The following OOEP variants were observed in gnomAD, a reference collection of about 807,000 sequenced individuals.
OOEP encodes oocyte expressed protein, also known as oocyte-expressed protein homolog.
In OOEP, 16 loss-of-function variants were observed where a neutral mutation model predicts 13.7. The observed-to-expected ratio is 1.16, with a 90% CI of 0.79 to 1.77. OOEP has a LOEUF of 1.77. Among genes scored for constraint, OOEP ranks in the 40% most tolerant of loss-of-function variants. The probability of loss-of-function intolerance (pLI) is 0.00; values close to 1 mark genes in which losing one functional copy is unlikely to be tolerated. For missense variants in OOEP, 195 were observed against 193.1 expected (o/e 1.01, Z -0.06); for synonymous variants, 89 against 77.1 (o/e 1.15, Z -0.81).
chr6:73,372,753 TC>T (rs1234647892), upstream of OOEP, among the ~76,000 whole-genome samples: 1 of 152,044 alleles, frequency 6.6e-6, no homozygotes, highest in Non-Finnish European at 1.5e-5. Flanking sequence ...AGAACACTTT[TC>T]CCGCCATCTG....
chr6:73,373,197 T>C (rs1436834860), upstream of OOEP: 14 of 1,612,590 alleles, frequency 8.7e-6, no homozygotes, highest in Non-Finnish European at 1.1e-5. Context: ...CACTGGGGAA[T>C]GGGACGATTT....
At chr6:73,384,938 T>C (rs1424161915) in intron 2 of OOEP, among the ~76,000 whole-genome samples, 1 of 151,680 alleles carries the variant, frequency 6.6e-6, no homozygotes, top group African/African-American at 2.4e-5. Context: ...GGTTTTATCA[T>C]GTTGCCCAGT....
chr6:73,369,779 G>A lies in OOEP; in HGVS notation c.14C>T (p.Ala5Val), dbSNP rs1283104629. The A allele has an allele frequency of 1.2e-6, 2 of 1,613,362 alleles. No homozygotes were observed. The highest frequency in any genetic ancestry group is 8.5e-7 in the Non-Finnish European group (1 of 1,179,624). Residue 5 changes from alanine (A) to valine (V), a missense_variant, in exon 1 of 3, where the codon GCT becomes GTT. By Grantham distance (64) the Ala-to-Val change is moderately conservative. Transcript: ENST00000370359. ...GCCCCGCTGGGACTCAGCGGCACCA[G>A]CATCATCGACCATACTGGGACCAGC... MVDDAGAAESQRGKQ... is the reference protein window; with the variant it reads MVDDVGAAESQRGKQ...
At chr6:73,394,941 G>C (rs373466847) in exon 1 of OOEP, 16 of 1,614,120 alleles carry the variant, frequency 9.9e-6, no homozygotes, top group Admixed American at 3.3e-5. Flanking sequence ...AGGCCTCTAC[G>C]TGGGTCGTTG....
upstream of OOEP, among the ~76,000 whole-genome samples, chr6:73,371,304 A>T (rs1289286541): frequency 6.6e-6 from 1 of 152,102 alleles, no homozygotes; most frequent in African/African-American, 2.4e-5. Flanking sequence ...TGCAATAAAC[A>T]TTTAAAACCT....
At chr6:73,393,426 A>C (rs773518985) in intron 2 of OOEP, among the ~76,000 whole-genome samples, 5 of 152,214 alleles carry the variant, frequency 3.3e-5, no homozygotes, top group African/African-American at 1.2e-4. Context: ...CAAAGATCCT[A>C]ATCAAAGGAG....
rs1769433738 is a variant in OOEP at position 73,394,983 on chromosome 6, G to A, written c.-383C>T. On this transcript the variant is annotated 5_prime_UTR_variant, in exon 1 of 4. Transcript: ENST00000370363. ...GGCGAAGCTCGACAGTGTCCCGAGC[G>A]CCAGAGAGGAGGCCGGCGGAGGAGT... The A allele has an allele frequency of 2.5e-6, 4 of 1,614,242 alleles. No individual in the cohort carries two copies. The African/African-American group carries it at 4.0e-5, about 16-fold the overall frequency.
rs558198 is a variant in OOEP, at chr6:73,394,834, C to A, written c.-234G>T. 35 of 1,567,910 alleles carry A rather than the reference C, an allele frequency of 2.2e-5. No individual in the cohort carries two copies. The African/African-American group carries it at 3.9e-4, about 18-fold the overall frequency. ...GCTGCGTGGCTTCCCTGGCACGCTACTCTTACGACGTCACGGTCAGGTGGT... is the reference window on the plus strand; with the variant it reads ...GCTGCGTGGCTTCCCTGGCACGCTAATCTTACGACGTCACGGTCAGGTGGT... On this transcript the variant is annotated 5_prime_UTR_variant, in exon 1 of 4. Coordinates refer to the OOEP transcript ENST00000370363.
intron 2 of OOEP, among the ~76,000 whole-genome samples, chr6:73,382,152 AT>A (rs1769218143): frequency 6.7e-6 from 1 of 149,062 alleles, no homozygotes; most frequent in African/African-American, 2.5e-5. Context: ...GGCTCAAGTG[AT>A]CCCCCCGCCT....
intron 2 of OOEP, among the ~76,000 whole-genome samples, chr6:73,393,447 G>C (rs1005235996): frequency 1.5e-4 from 23 of 152,234 alleles, no homozygotes; most frequent in Non-Finnish European, 2.9e-5. Context: ...TGCACTTGCA[G>C]CTGGCTTGAA....
intron 2 of OOEP, chr6:73,394,291 C>T (rs1769404538): frequency 1.4e-6 from 1 of 713,074 alleles, no homozygotes; most frequent in Non-Finnish European, 2.6e-6. Flanking sequence ...TTTTGTCAAT[C>T]TGTTGTTTCA....
chr6:73,377,383 G>A (rs552152125), intron 2 of OOEP, among the ~76,000 whole-genome samples: 9 of 152,214 alleles, frequency 5.9e-5, no homozygotes, highest in African/African-American at 1.9e-4. Flanking sequence ...TTTCTGGGAC[G>A]GCTTTATTAT....
intron 2 of OOEP, among the ~76,000 whole-genome samples, chr6:73,388,868 C>A (rs899809728): frequency 2.6e-5 from 4 of 152,090 alleles, no homozygotes; most frequent in Non-Finnish European, 4.4e-5. Context: ...GCCAAGGGTG[C>A]GGTGTTTGCT....
chr6:73,385,747 C>T (rs189195868), intron 2 of OOEP, among the ~76,000 whole-genome samples: 65 of 152,118 alleles, frequency 4.3e-4, no homozygotes, highest in South Asian at 4.2e-4. Context: ...GCCACCACGC[C>T]CGGCTAGTTT....
intron 2 of OOEP, among the ~76,000 whole-genome samples, chr6:73,377,969 G>A (rs561393894): frequency 1.2e-4 from 19 of 152,250 alleles, no homozygotes; most frequent in African/African-American, 3.9e-4. Context: ...AGCCACCACC[G>A]CACCTACAAC....
At chr6:73,369,935 G>A, upstream of OOEP, 2 of 675,510 alleles carry the variant, frequency 3.0e-6, no homozygotes, top group Non-Finnish European at 5.0e-6. Flanking sequence ...GTCGGGGTGA[G>A]CGGGTGCAAG....
intron 2 of OOEP, among the ~76,000 whole-genome samples, chr6:73,376,297 A>G (rs1769135884): frequency 6.7e-6 from 1 of 149,644 alleles, no homozygotes; most frequent in Non-Finnish European, 1.5e-5. Flanking sequence ...ATACAGAGAA[A>G]CAGCCTTAAT....
At chr6:73,389,412 G>A (rs1769316738) in intron 2 of OOEP, among the ~76,000 whole-genome samples, 1 of 151,678 alleles carries the variant, frequency 6.6e-6, no homozygotes. Context: ...TTTTTTTTTG[G>A]TGGGGAAAAG....
chr6:73,369,484 G>A, intron 1 of OOEP, 99 bp from the exon 2 acceptor site: 1 of 1,479,932 alleles, frequency 6.8e-7, no homozygotes, highest in Non-Finnish European at 9.3e-7. Flanking sequence ...ACTGGAAGGT[G>A]GGCATCACTG....
Sources: gnomAD v4.1 joint callset for allele counts (sites outside exome capture counted in the v4.1 genomes callset) on GRCh38, gnomAD v4.1.1 for gene constraint, MANE v1.5 for transcripts, NCBI Gene and HGNC (gene_info 2026-07-23, HGNC 2026-07-21) for gene names.